Variants in LNX2 observed in about 807,000 individuals in gnomAD.
The protein encoded by LNX2 is ligand of numb-protein X 2, also known as ligand of Numb protein X 2.
Under a neutral mutation model 66.2 loss-of-function variants are expected in LNX2, and 35 were observed. That is an observed-to-expected ratio of 0.53 (90% CI 0.40 to 0.70). The LOEUF is 0.70. Among genes scored for constraint, LNX2 ranks in the 30% least tolerant of loss-of-function variants. LNX2 has a pLI of 0.00. For synonymous variants in LNX2, 337 were observed against 315.6 expected (o/e 1.07, Z -0.72); for missense variants, 791 against 850.8 (o/e 0.93, Z 0.87).
chr13:27,601,412 C>T (rs192296134), intron 1 of LNX2, among the ~76,000 whole-genome samples: 23 of 152,284 alleles, frequency 1.5e-4, no homozygotes, highest in African/African-American at 5.3e-4. Context: ...ATTTATAACA[C>T]CCTATCTGCA....
intron 1 of LNX2, among the ~76,000 whole-genome samples, chr13:27,600,183 A>G (rs1955641794): frequency 6.6e-6 from 1 of 152,200 alleles, no homozygotes; most frequent in African/African-American, 2.4e-5. Context: ...GACATTTACT[A>G]GCCAATGACA....
chr13:27,571,335 G>A (rs984862721), intron 2 of LNX2, among the ~76,000 whole-genome samples: 2 of 152,206 alleles, frequency 1.3e-5, no homozygotes, highest in African/African-American at 2.4e-5. Context: ...TTGGCAATTA[G>A]AAGGTAACCT....
chr13:27,548,517 TA>T, intron 9 of LNX2, 47 bp from the exon 10 acceptor site: 1 of 1,575,748 alleles, frequency 6.3e-7, no homozygotes, highest in Non-Finnish European at 8.6e-7. Flanking sequence ...TTCATGGTAT[TA>T]AAAATATCCC....
chr13:27,616,833 T>C (rs1035409819), intron 1 of LNX2, among the ~76,000 whole-genome samples: 2 of 152,188 alleles, frequency 1.3e-5, no homozygotes, highest in Non-Finnish European at 2.9e-5. Flanking sequence ...CACTGAAACC[T>C]CTAGCTCCCG....
Position 27,583,253 on chromosome 13 carries a change from T to TGTGCGCGCGCGCGC in LNX2, c.-100-1451_-100-1450insGCGCGCGCGCGCAC, listed in dbSNP as rs1566124868. Among the ~76,000 whole-genome samples, 2 of 46,910 alleles carry TGTGCGCGCGCGCGC rather than the reference T, an allele frequency of 4.3e-5. 1 individual carries two copies. Among genetic ancestry groups the TGTGCGCGCGCGCGC allele is most frequent in the Non-Finnish European group, 7.5e-5 (2 of 26,540 alleles). 30.8% of individuals were successfully genotyped at this position (46,910 alleles called of 152,430 possible). On this transcript the variant is annotated intron_variant, in intron 1 of 9. Transcript: ENST00000316334. ...GTGTGTGTGTGTGTGTGTGTGTGTG[T>TGTGCGCGCGCGCGC]GTGCGCGCGTCCTCTCCAACATACT...
At chr13:27,617,113 A>G (rs1439295274) in intron 1 of LNX2, among the ~76,000 whole-genome samples, 1 of 152,138 alleles carries the variant, frequency 6.6e-6, no homozygotes, top group Admixed American at 6.6e-5. Context: ...TCTGAATCCA[A>G]CCAAACAAAA....
At chr13:27,584,464 C>T (rs1001788782) in intron 1 of LNX2, among the ~76,000 whole-genome samples, 1 of 149,506 alleles carries the variant, frequency 6.7e-6, no homozygotes, top group East Asian at 2.0e-4. Flanking sequence ...TGAGGTGGGA[C>T]GATCCCTTGA....
rs571652531 is a variant in LNX2, at chr13:27,613,208, G to A, written c.-101+7167C>T. On this transcript the variant is annotated intron_variant, in intron 1 of 9. Transcript: ENST00000316334. The stretch of plus-strand genomic sequence containing the variant: ...GGTGCCAGTGGGAAGCATATTCCAG[G>A]TGTTTAACCATGGGCTTCCAAACTG... Among the ~76,000 whole-genome samples, 9 of 152,230 alleles carry A rather than the reference G, an allele frequency of 5.9e-5. No individual in the cohort carries two copies. In the South Asian group the frequency reaches 1.9e-3, roughly 32 times the overall value.
chr13:27,548,826 T>C (rs1954973291), intron 9 of LNX2, among the ~76,000 whole-genome samples: 1 of 152,210 alleles, frequency 6.6e-6, no homozygotes, highest in Non-Finnish European at 1.5e-5. Flanking sequence ...TTTCTATTCA[T>C]TCTTAGAGCT....
Position 27,581,813 on chromosome 13 carries a change from C to G in LNX2, c.-100-10G>C, listed in dbSNP as rs1955401448. On this transcript the variant is annotated splice_polypyrimidine_tract_variant and intron_variant, in intron 1 of 9. Transcript: ENST00000316334. ...GTCAAGGTGTGTTTTTCTAGATAAG[C>G]AAAACAAACACATTAAAAAAGGTAA... is the stretch of plus-strand genomic sequence containing the variant. The G allele has an allele frequency of 3.9e-6, 3 of 768,544 alleles. No homozygotes were observed. The highest frequency in any genetic ancestry group is 2.9e-5 in the Admixed American group (1 of 34,582). The allele number at this position is 768,544 out of a possible 1,614,324, so 47.6% of individuals were successfully genotyped here. A position where few individuals can be genotyped will look rare whatever the true frequency, so the allele number is the denominator to read the frequency against.
Position 27,562,427 on chromosome 13 carries a change from C to A in LNX2, c.1210G>T (p.Ala404Ser). Reference protein sequence around the residue: ...DLKYGTPELAAQIIQASGERV... With the variant: ...DLKYGTPELASQIIQASGERV... Reference sequence around the variant, plus strand: ...AGAGGGTTTACCTGAATAATCTGGGCAGCAAGCTCCGGAGTTCCATACTTC... The same window carrying A: ...AGAGGGTTTACCTGAATAATCTGGGAAGCAAGCTCCGGAGTTCCATACTTC... The change falls in exon 5 of 10, where the codon GCC becomes TCC. Residue 404 changes from alanine (A) to serine (S), a missense_variant. Transcript: ENST00000316334. 1 of 1,613,260 alleles carries A rather than the reference C, an allele frequency of 6.2e-7. No homozygotes were observed. The highest frequency in any genetic ancestry group is 8.5e-7 in the Non-Finnish European group (1 of 1,179,538).
upstream of LNX2, among the ~76,000 whole-genome samples, chr13:27,620,590 G>A (rs1364308859): frequency 6.6e-6 from 1 of 152,192 alleles, no homozygotes. Context: ...CCTTCCCGGG[G>A]GCAGCGCCAA....
intron 5 of LNX2, among the ~76,000 whole-genome samples, chr13:27,561,610 T>C (rs985370379): frequency 1.3e-5 from 2 of 152,260 alleles, no homozygotes; most frequent in Admixed American, 6.5e-5. Flanking sequence ...TAAATTTTCA[T>C]TGTTATTTGA....
At position 27,546,911 on chromosome 13, in the gene LNX2, A is replaced by G. The variant is rs1283956317; in HGVS notation, c.*1424T>C. ...AAAATGGGCTAGTCATAATTTTCAA[A>G]AACATTTCAAAAAATATGAAATAGT... On this transcript the variant is annotated 3_prime_UTR_variant, in exon 10 of 10. Transcript: ENST00000316334. 6.6e-6 allele frequency: 1 copy of G among 152,202 alleles called. No homozygotes were observed. The highest frequency in any genetic ancestry group is 6.5e-5 in the Admixed American group (1 of 15,282). 9.4% of individuals were successfully genotyped at this position (152,202 alleles called of 1,614,324 possible).
At chr13:27,578,571 AG>A (rs1335889059) in intron 2 of LNX2, among the ~76,000 whole-genome samples, 1 of 152,184 alleles carries the variant, frequency 6.6e-6, no homozygotes, top group African/African-American at 2.4e-5. Flanking sequence ...CCAACAGAGA[AG>A]GGATGCCAGG....
At chr13:27,583,359 G>A (rs113800663) in intron 1 of LNX2, among the ~76,000 whole-genome samples, 42 of 148,792 alleles carry the variant, frequency 2.8e-4, no homozygotes, top group Middle Eastern at 3.4e-3. Flanking sequence ...CCAGGTTCAA[G>A]CGATTCTCCT....
In LNX2 at chr13:27,546,774, G is replaced by A. The variant is rs1487017213; in HGVS notation, c.*1561C>T. On this transcript the variant is annotated 3_prime_UTR_variant, in exon 10 of 10. Coordinates refer to ENST00000316334, the MANE Select transcript of LNX2 (RefSeq NM_153371.4). ...TAAATTTGCTCAGATTCTGAACTAG[G>A]TTTCTAAATGAAATTTTTTTCAAGT... is the stretch of plus-strand genomic sequence containing the variant. The A allele has an allele frequency of 2.0e-5, 3 of 151,884 alleles. No homozygotes were observed. Among genetic ancestry groups the A allele is most frequent in the Non-Finnish European group, 4.4e-5 (3 of 67,958 alleles). 9.4% of individuals were successfully genotyped at this position (151,884 alleles called of 1,614,324 possible). A position where few individuals can be genotyped will look rare whatever the true frequency, so the allele number is the denominator to read the frequency against.
chr13:27,599,604 C>A (rs886106464), intron 1 of LNX2, among the ~76,000 whole-genome samples: 7 of 152,212 alleles, frequency 4.6e-5, no homozygotes, highest in Non-Finnish European at 8.8e-5. Flanking sequence ...TCCATATTTA[C>A]AAAGCTATAA....
At chr13:27,567,117 A>C (rs1955215815) in intron 4 of LNX2, among the ~76,000 whole-genome samples, 1 of 152,156 alleles carries the variant, frequency 6.6e-6, no homozygotes, top group Non-Finnish European at 1.5e-5. Context: ...AGAGTGCATT[A>C]GGGAGTTGAT....
Sources: allele counts gnomAD v4.1 joint callset (sites outside exome capture counted in the v4.1 genomes callset), GRCh38; gene constraint gnomAD v4.1.1; transcripts MANE v1.5; gene names NCBI Gene and HGNC (gene_info 2026-07-23, HGNC 2026-07-21).